OVCH1: variants seen among roughly 807,000 people sequenced by gnomAD.
OVCH1 encodes the protein ovochymase-1.
Under a neutral mutation model 138.4 loss-of-function variants are expected in OVCH1, and 139 were observed. The observed-to-expected ratio is 1.00, with a 90% CI of 0.87 to 1.16. The LOEUF is 1.16. Among genes scored for constraint, OVCH1 ranks in the 50% most tolerant of loss-of-function variants. OVCH1 has a pLI of 0.00. For missense variants in OVCH1, 1,367 were observed against 1,357.9 expected (o/e 1.01, Z -0.11); for synonymous variants, 453 against 467.8 (o/e 0.97, Z 0.41).
intron 27 of OVCH1, among the ~76,000 whole-genome samples, chr12:29,432,137 G>A (rs1648914728): frequency 6.6e-6 from 1 of 152,192 alleles, no homozygotes. Flanking sequence ...AGTAGCAGGG[G>A]AAGACATCAA....
intron 3 of OVCH1, among the ~76,000 whole-genome samples, chr12:29,419,678 CTT>C (rs1941077515): frequency 6.6e-6 from 1 of 152,078 alleles, no homozygotes; most frequent in Admixed American, 6.5e-5. Context: ...ATGTTATACA[CTT>C]ATATAATGGC....
At chr12:29,433,670 A>G (rs888878612) in intron 27 of OVCH1, 34 of 1,344,972 alleles carry the variant, frequency 2.5e-5, no homozygotes, top group Non-Finnish European at 3.2e-5. Context: ...TCCTACAACA[A>G]TTTGTTGGTG....
intron 6 of OVCH1, 38 bp downstream of exon 6, chr12:29,489,582 A>C: frequency 6.4e-7 from 1 of 1,557,066 alleles, no homozygotes; most frequent in Non-Finnish European, 8.7e-7. Context: ...TTTCACCCAC[A>C]TGTTACTGAA....
intron 3 of OVCH1, among the ~76,000 whole-genome samples, chr12:29,416,840 A>G (rs1941036700): frequency 6.6e-6 from 1 of 152,252 alleles, no homozygotes; most frequent in Non-Finnish European, 1.5e-5. Flanking sequence ...TGTCCACACA[A>G]AAACTTGTAC....
At chr12:29,423,022 T>C (rs1303655243), downstream of OVCH1, 1 of 241,980 alleles carries the variant, frequency 4.1e-6, no homozygotes, top group Admixed American at 5.4e-5. Flanking sequence ...CTTTTCTTTT[T>C]TTAGTAGGGA....
chr12:29,468,129 A>G (rs2135995118), intron 16 of OVCH1, among the ~76,000 whole-genome samples: 1 of 152,326 alleles, frequency 6.6e-6, no homozygotes, highest in Middle Eastern at 3.4e-3. Context: ...AAGTACTATA[A>G]AATATATGCA....
intron 19 of OVCH1, among the ~76,000 whole-genome samples, chr12:29,457,610 G>A (rs569710124): frequency 1.3e-5 from 2 of 151,748 alleles, no homozygotes; most frequent in South Asian, 2.1e-4. Context: ...TCACCATGTT[G>A]GCCAGGATGG....
In OVCH1 at chr12:29,444,161, G is replaced by A. The variant is rs781156444; in HGVS notation, c.3001C>T (p.His1001Tyr). The A allele has an allele frequency of 5.6e-6, 9 of 1,607,290 alleles. No individual in the cohort carries two copies. In the African/African-American group the frequency reaches 1.2e-4, roughly 22 times the overall value. ...CTTCCTTACCCCATAGTAGTTCTGT[G>A]AGAATTTCTTGGGATCTGCATGATC... The change falls in exon 24 of 28, where the codon CAC becomes TAC. Residue 1001 changes from histidine to tyrosine, a missense_variant. Physicochemically the swap from His to Tyr is moderately conservative, Grantham distance 83. Transcript: ENST00000318184.
intron 3 of OVCH1, among the ~76,000 whole-genome samples, chr12:29,415,164 A>T (rs1416241994): frequency 2.0e-5 from 3 of 152,178 alleles, no homozygotes; most frequent in Non-Finnish European, 4.4e-5. Flanking sequence ...ACAAAATCTT[A>T]TGTTACTGTT....
At chr12:29,403,405 C>T in the OVCH1 span, among the ~76,000 whole-genome samples, 1 of 152,114 alleles carries the variant, frequency 6.6e-6, no homozygotes, top group African/African-American at 2.4e-5. Flanking sequence ...TAAAGCTGAA[C>T]CATACGCCCT....
chr12:29,443,539 A>G, intron 24 of OVCH1, 39 bp from the exon 25 acceptor site: 1 of 1,545,582 alleles, frequency 6.5e-7, no homozygotes, highest in Non-Finnish European at 8.8e-7. Context: ...ATTATTTCTA[A>G]ACAGAATATA....
intron 19 of OVCH1, among the ~76,000 whole-genome samples, chr12:29,457,746 T>C: frequency 6.6e-6 from 1 of 152,082 alleles, no homozygotes; most frequent in East Asian, 1.9e-4. Context: ...ATGCCTACTG[T>C]GAGCCAGACA....
intron 25 of OVCH1, chr12:29,439,561 G>C (rs1231486695): frequency 1.7e-6 from 2 of 1,200,384 alleles, no homozygotes; most frequent in African/African-American, 1.6e-5. Context: ...TGCTACTCTC[G>C]GTACTTTACC....
intron 22 of OVCH1, among the ~76,000 whole-genome samples, chr12:29,450,192 CCGTACAGCAAAAGAAA>C (rs1941744091): frequency 6.6e-6 from 1 of 152,098 alleles, no homozygotes; most frequent in Non-Finnish European, 1.5e-5. Context: ...TAAAGAGCTT[CCGTACAGCAAAAGAAA>C]CTCATCAGAG....
chr12:29,432,464 C>T (rs1316721735), intron 27 of OVCH1, among the ~76,000 whole-genome samples: 2 of 152,108 alleles, frequency 1.3e-5, no homozygotes, highest in Non-Finnish European at 2.9e-5. Context: ...AATGGAGTTG[C>T]TATCTACTAA....
intron 13 of OVCH1, among the ~76,000 whole-genome samples, chr12:29,475,473 TA>T (rs113136129): frequency 0.16 from 24,265 of 147,260 alleles, 2,083 homozygotes; most frequent in African/African-American, 0.23. Flanking sequence ...GAGGTAGGTT[TA>T]AAAAAAAAAA....
At chr12:29,432,617 A>G (rs1941289248) in intron 27 of OVCH1, among the ~76,000 whole-genome samples, 2 of 152,176 alleles carry the variant, frequency 1.3e-5, no homozygotes, top group African/African-American at 4.8e-5. Flanking sequence ...AGTGTTCAAT[A>G]AAGAAGCTGG....
chr12:29,490,153 T>A (rs1031362465), intron 5 of OVCH1, among the ~76,000 whole-genome samples: 6 of 152,190 alleles, frequency 3.9e-5, no homozygotes, highest in Non-Finnish European at 2.9e-5. Context: ...AGCCTCAACC[T>A]CCTGGGAGCA....
downstream of OVCH1, among the ~76,000 whole-genome samples, chr12:29,422,941 T>G (rs1941125353): frequency 6.6e-6 from 1 of 152,184 alleles, no homozygotes; most frequent in African/African-American, 2.4e-5. Flanking sequence ...CAAATTAACT[T>G]TATTACCTCA....
Sources: gnomAD v4.1 joint callset for allele counts (sites outside exome capture counted in the v4.1 genomes callset) on GRCh38, gnomAD v4.1.1 for gene constraint, MANE v1.5 for transcripts, NCBI Gene and HGNC (gene_info 2026-07-23, HGNC 2026-07-21) for gene names.